ARHGEF28: variants seen among roughly 807,000 people sequenced by gnomAD.
ARHGEF28 encodes the protein 190 kDa guanine nucleotide exchange factor.
ARHGEF28 carries 152 observed loss-of-function variants against 206.6 expected under a neutral mutation model. The observed-to-expected ratio is 0.74, with a 90% CI of 0.64 to 0.84. ARHGEF28 has a LOEUF of 0.84. Ranked by LOEUF, ARHGEF28 falls within the 40% of genes least tolerant of loss-of-function variation. ARHGEF28 has a pLI of 0.00. For synonymous variants in ARHGEF28, 763 were observed against 776.4 expected (o/e 0.98, Z 0.29); for missense variants, 2,028 against 2,073.2 (o/e 0.98, Z 0.42).
chr5:73,696,994 C>T (rs1017908001), intron 2 of ARHGEF28, among the ~76,000 whole-genome samples: 2 of 152,190 alleles, frequency 1.3e-5, no homozygotes, highest in Non-Finnish European at 2.9e-5. Context: ...AAGGTGCTGT[C>T]ATCATAATCT....
intron 3 of ARHGEF28, among the ~76,000 whole-genome samples, chr5:73,750,225 C>A (rs1020916910): frequency 2.0e-5 from 3 of 152,276 alleles, no homozygotes; most frequent in South Asian, 4.1e-4. Context: ...ATCCTATTGA[C>A]TGCACCCAAC....
intron 2 of ARHGEF28, among the ~76,000 whole-genome samples, chr5:73,689,035 A>G (rs1388804508): frequency 6.6e-6 from 1 of 152,170 alleles, no homozygotes; most frequent in African/African-American, 2.4e-5. Flanking sequence ...ACAATTTTAG[A>G]TTCTATCACT....
At chr5:73,634,950 C>T (rs1743603309) in intron 1 of ARHGEF28, among the ~76,000 whole-genome samples, 1 of 152,074 alleles carries the variant, frequency 6.6e-6, no homozygotes, top group African/African-American at 2.4e-5. Flanking sequence ...TTTTAGGAAA[C>T]CTCAGGTTAT....
At chr5:73,826,338 C>T (rs1439727675) in intron 9 of ARHGEF28, among the ~76,000 whole-genome samples, 1 of 152,146 alleles carries the variant, frequency 6.6e-6, no homozygotes, top group Non-Finnish European at 1.5e-5. Context: ...AACGTTTCTG[C>T]TGTTCATAAA....
chr5:73,891,626 G>A (rs1442136889), intron 26 of ARHGEF28, among the ~76,000 whole-genome samples: 1 of 151,712 alleles, frequency 6.6e-6, no homozygotes, highest in Non-Finnish European at 1.5e-5. Flanking sequence ...CCAGGTTCAA[G>A]CAATTCTCAT....
intron 2 of ARHGEF28, among the ~76,000 whole-genome samples, chr5:73,728,375 T>G (rs1409005126): frequency 6.6e-6 from 1 of 152,178 alleles, no homozygotes; most frequent in Non-Finnish European, 1.5e-5. Context: ...AGACCTTCAC[T>G]CAAATTCTTA....
intron 1 of ARHGEF28, among the ~76,000 whole-genome samples, chr5:73,654,068 T>G (rs779438319): frequency 6.6e-6 from 1 of 152,178 alleles, no homozygotes; most frequent in Non-Finnish European, 1.5e-5. Flanking sequence ...GTTAGGGTGC[T>G]TAAGTTATTA....
At chr5:73,736,791 T>A (rs1410398799) in intron 2 of ARHGEF28, among the ~76,000 whole-genome samples, 1 of 149,266 alleles carries the variant, frequency 6.7e-6, no homozygotes, top group Non-Finnish European at 1.5e-5. Flanking sequence ...GTACCTGCCA[T>A]GGTAAGGTTT....
At chr5:73,857,861 T>C (rs1759147978) in intron 15 of ARHGEF28, 82 bp downstream of exon 15, 1 of 1,462,894 alleles carries the variant, frequency 6.8e-7, no homozygotes, top group African/African-American at 1.4e-5. Flanking sequence ...CACTTTCCCT[T>C]TGAAATCACT....
chr5:73,897,431 T>C (rs1762020416), intron 29 of ARHGEF28, among the ~76,000 whole-genome samples: 1 of 152,164 alleles, frequency 6.6e-6, no homozygotes, highest in African/African-American at 2.4e-5. Context: ...ATCCAGTAAG[T>C]CTGGAGCCAA....
At position 73,723,700 on chromosome 5, in the gene ARHGEF28, G is replaced by A. The variant is rs1006722967; in HGVS notation, c.34-26137G>A. 6.8e-4 allele frequency among the ~76,000 whole-genome samples: 104 copies of A among 152,146 alleles called. 1 individual carries two copies. The highest frequency in any genetic ancestry group is 3.7e-3 in the Admixed American group (57 of 15,274). ...TCTTGTTCTCAAATCCATTTAAGAG[G>A]ATAAGCCATTCAAAATCTCCTCTGT... On this transcript the variant is annotated intron_variant, in intron 2 of 35. Transcript: ENST00000513042.
At chr5:73,890,073 G>A (rs1374738554) in intron 26 of ARHGEF28, among the ~76,000 whole-genome samples, 1 of 152,194 alleles carries the variant, frequency 6.6e-6, no homozygotes, top group East Asian at 1.9e-4. Flanking sequence ...TACCTCCAAG[G>A]CAGACATGGT....
At chr5:73,842,213 A>G (rs1002009803) in intron 11 of ARHGEF28, among the ~76,000 whole-genome samples, 1 of 152,192 alleles carries the variant, frequency 6.6e-6, no homozygotes, top group Non-Finnish European at 1.5e-5. Context: ...CCATGTGATT[A>G]TATGTTCATT....
At chr5:73,897,814 A>T in intron 29 of ARHGEF28, 148 bp from the exon 30 acceptor site, 1 of 891,896 alleles carries the variant, frequency 1.1e-6, no homozygotes, top group Non-Finnish European at 1.6e-6. Flanking sequence ...CCATGTTTTG[A>T]CAACCTTTAA....
intron 34 of ARHGEF28, among the ~76,000 whole-genome samples, chr5:73,910,122 T>C (rs1164970380): frequency 6.6e-6 from 1 of 152,100 alleles, no homozygotes; most frequent in African/African-American, 2.4e-5. Context: ...GGCTCATGCC[T>C]GTAATCCCAG....
At chr5:73,859,646 G>A (rs988536934) in intron 16 of ARHGEF28, among the ~76,000 whole-genome samples, 5 of 152,302 alleles carry the variant, frequency 3.3e-5, no homozygotes, top group Admixed American at 3.3e-4. Context: ...CTGCTCAGAT[G>A]TGGTTTAACT....
intron 4 of ARHGEF28, among the ~76,000 whole-genome samples, chr5:73,762,564 A>AAT (rs1227770800): frequency 1.1e-4 from 16 of 152,086 alleles, no homozygotes; most frequent in African/African-American, 3.6e-4. Flanking sequence ...TGCAGTTTAT[A>AAT]ATAGGAGATA....
intron 2 of ARHGEF28, among the ~76,000 whole-genome samples, chr5:73,726,945 T>C (rs1750310149): frequency 6.6e-6 from 1 of 152,134 alleles, no homozygotes; most frequent in Admixed American, 6.5e-5. Context: ...AGGTCAGTGT[T>C]TGTACTCAGA....
chr5:73,840,632 C>A lies in ARHGEF28; in HGVS notation c.1299C>A (p.Val433=). The A allele has an allele frequency of 6.2e-7, 1 of 1,613,832 alleles. No individual in the cohort carries two copies. Among genetic ancestry groups the A allele is most frequent in the South Asian group, 1.1e-5 (1 of 91,054 alleles). Residue 433 remains valine (V), a synonymous_variant, in exon 11 of 36, where the codon GTC becomes GTA. Coordinates refer to ENST00000513042, the MANE Select transcript of ARHGEF28 (RefSeq NM_001177693.2). The part of the protein sequence containing the change: ...SPSVYPLSEN[V]EGTAHTEAQQ... ...GTGTGTACCCACTTAGTGAAAATGT[C>A]GAAGGGACAGCACACACTGAAGCCC... is the stretch of plus-strand genomic sequence containing the variant.
Sources: allele counts gnomAD v4.1 joint callset (sites outside exome capture counted in the v4.1 genomes callset), GRCh38; gene constraint gnomAD v4.1.1; transcripts MANE v1.5; gene names NCBI Gene and HGNC (gene_info 2026-07-23, HGNC 2026-07-21).